The following IL1RAPL1 variants were observed in gnomAD, a reference collection of about 807,000 sequenced individuals.
The protein encoded by IL1RAPL1 is interleukin-1 receptor accessory protein-like 1.
In IL1RAPL1, 3 loss-of-function variants were observed where a neutral mutation model predicts 48.4. The ratio of observed to expected loss-of-function variants is 0.06; its 90% CI spans 0.03 to 0.16. IL1RAPL1 has a LOEUF of 0.16. IL1RAPL1 is among the 10% of genes least tolerant of loss of function. The probability of loss-of-function intolerance (pLI) is 1.00; values close to 1 mark genes in which losing one functional copy is unlikely to be tolerated. For missense variants in IL1RAPL1, 349 were observed against 530.6 expected (o/e 0.66, Z 3.36); for synonymous variants, 185 against 187.7 (o/e 0.99, Z 0.12).
At chrX:29,423,070 C>T (rs1410097552) in intron 5 of IL1RAPL1, among the ~76,000 whole-genome samples, 2 of 111,764 alleles carry the variant, frequency 1.8e-5, no homozygotes, top group Admixed American at 9.5e-5. Flanking sequence ...CCTCTAAAGC[C>T]TGCTACCTGG....
chrX:29,769,590 C>CCCG (rs1929004839), intron 6 of IL1RAPL1, among the ~76,000 whole-genome samples: 1 of 100,706 alleles, frequency 9.9e-6, no homozygotes, highest in Non-Finnish European at 2.0e-5. Context: ...ATTATAGGCG[C>CCCG]CCGCCACCAT....
At chrX:29,901,204 G>A (rs1032127506) in intron 6 of IL1RAPL1, among the ~76,000 whole-genome samples, 1 of 111,699 alleles carries the variant, frequency 9.0e-6, no homozygotes, top group African/African-American at 3.3e-5. Context: ...TCGTTGACCC[G>A]GTCTCAGGCA....
intron 2 of IL1RAPL1, among the ~76,000 whole-genome samples, chrX:29,222,808 G>T (rs1931007834): frequency 9.0e-6 from 1 of 111,404 alleles, no homozygotes; most frequent in African/African-American, 3.3e-5. Flanking sequence ...CATATGCAGG[G>T]CTGGCATCTT....
At chrX:28,623,037 C>A (rs901973988) in intron 1 of IL1RAPL1, among the ~76,000 whole-genome samples, 2 of 111,273 alleles carry the variant, frequency 1.8e-5, no homozygotes, top group African/African-American at 6.5e-5. Context: ...GCTTTCATTC[C>A]TTTACTATTT....
At chrX:29,329,443 C>G (rs1932866654) in intron 3 of IL1RAPL1, among the ~76,000 whole-genome samples, 1 of 111,519 alleles carries the variant, frequency 9.0e-6, no homozygotes, top group African/African-American at 3.3e-5. Context: ...GGAAACAACC[C>G]AAATATTCAT....
chrX:28,740,811 ACAAG>A (rs1935897345), intron 1 of IL1RAPL1, among the ~76,000 whole-genome samples: 1 of 111,984 alleles, frequency 8.9e-6, no homozygotes, highest in African/African-American at 3.2e-5. Context: ...CCATGTTGCT[ACAAG>A]GATTTGATTT....
chrX:29,182,304 T>C (rs1347416982), intron 2 of IL1RAPL1, among the ~76,000 whole-genome samples: 1 of 112,099 alleles, frequency 8.9e-6, no homozygotes, highest in Non-Finnish European at 1.9e-5. Flanking sequence ...TTCCATTCTG[T>C]AGCATCCAAA....
In IL1RAPL1 at chrX:28,738,176, T is replaced by A. The variant is rs73630080; in HGVS notation, c.-24-51144T>A. On this transcript the variant is annotated intron_variant, in intron 1 of 10. Coordinates refer to ENST00000378993, the MANE Select transcript of IL1RAPL1 (RefSeq NM_014271.4). Reference sequence around the variant, plus strand: ...CTTCCAAATATCTAATCTCTTTTTTTAAAAAAAAAAAATCTTAGAACATTA... The same window carrying A: ...CTTCCAAATATCTAATCTCTTTTTTAAAAAAAAAAAAATCTTAGAACATTA... Among the ~76,000 whole-genome samples, 111 of 101,650 alleles carry A rather than the reference T, an allele frequency of 1.1e-3. 1 individual carries two copies. Among genetic ancestry groups the A allele is most frequent in the East Asian group, 3.2e-3 (11 of 3,408 alleles). The allele number at this position is 101,650 out of a possible 115,157, so 88.3% of individuals were successfully genotyped here. A position where few individuals can be genotyped will look rare whatever the true frequency, so the allele number is the denominator to read the frequency against.
At chrX:29,366,933 T>C (rs1363803024) in intron 3 of IL1RAPL1, among the ~76,000 whole-genome samples, 1 of 111,219 alleles carries the variant, frequency 9.0e-6, no homozygotes, top group Non-Finnish European at 1.9e-5. Context: ...TTTGAGTAAT[T>C]TTATCTTTAC....
intron 6 of IL1RAPL1, among the ~76,000 whole-genome samples, chrX:29,781,527 C>G (rs1043781162): frequency 9.0e-6 from 1 of 111,672 alleles, no homozygotes; most frequent in Non-Finnish European, 1.9e-5. Context: ...GAATGCTGAA[C>G]TTCTAAATTA....
chrX:29,579,999 G>A (rs1218834927), intron 5 of IL1RAPL1, among the ~76,000 whole-genome samples: 1 of 110,667 alleles, frequency 9.0e-6, no homozygotes, highest in African/African-American at 3.3e-5. Context: ...CTTTATATAG[G>A]CCACTAGACT....
At chrX:29,555,524 C>A (rs942737782) in intron 5 of IL1RAPL1, among the ~76,000 whole-genome samples, 13 of 112,104 alleles carry the variant, frequency 1.2e-4, no homozygotes, top group Non-Finnish European at 2.3e-4. Flanking sequence ...GCCACACTAT[C>A]CTCATCTCTT....
At chrX:29,437,914 A>G (rs1165781528) in intron 5 of IL1RAPL1, among the ~76,000 whole-genome samples, 5 of 111,020 alleles carry the variant, frequency 4.5e-5, no homozygotes, top group Admixed American at 3.8e-4. Context: ...AAGGCATTCC[A>G]TCTTCTCTTT....
intron 1 of IL1RAPL1, among the ~76,000 whole-genome samples, chrX:28,786,865 A>G (rs957372470): frequency 8.9e-6 from 1 of 112,286 alleles, no homozygotes; most frequent in Non-Finnish European, 1.9e-5. Flanking sequence ...TACAGTTTGT[A>G]TTGCTATTTC....
At chrX:28,971,912 G>GTGTA (rs750716257) in intron 2 of IL1RAPL1, among the ~76,000 whole-genome samples, 1,285 of 108,817 alleles carry the variant, frequency 0.012, 28 homozygotes, top group African/African-American at 0.041. Flanking sequence ...GTGTGTGTGT[G>GTGTA]TGTGTATTTC....
At chrX:29,724,283 C>T (rs1014785428) in intron 6 of IL1RAPL1, among the ~76,000 whole-genome samples, 3 of 111,441 alleles carry the variant, frequency 2.7e-5, no homozygotes, top group African/African-American at 9.8e-5. Context: ...CTAAGGGCCA[C>T]TGACCACTCC....
chrX:29,104,219 A>T (rs1046049748), intron 2 of IL1RAPL1, among the ~76,000 whole-genome samples: 1 of 112,341 alleles, frequency 8.9e-6, no homozygotes, highest in Non-Finnish European at 1.9e-5. Context: ...TTTGGAAGCA[A>T]CCTGTGTTCA....
At chrX:29,067,226 C>A (rs887405536) in intron 2 of IL1RAPL1, among the ~76,000 whole-genome samples, 13 of 111,508 alleles carry the variant, frequency 1.2e-4, no homozygotes, top group African/African-American at 3.3e-4. Flanking sequence ...CTTCTGGGAT[C>A]CCTGTTGCAT....
At chrX:29,238,168 C>T (rs770503106) in intron 2 of IL1RAPL1, among the ~76,000 whole-genome samples, 15 of 111,625 alleles carry the variant, frequency 1.3e-4, no homozygotes, top group Non-Finnish European at 2.6e-4. Flanking sequence ...TACACACCTG[C>T]TTCTGTTATT....
Sources: gnomAD v4.1 joint callset for allele counts (sites outside exome capture counted in the v4.1 genomes callset) on GRCh38, gnomAD v4.1.1 for gene constraint, MANE v1.5 for transcripts, NCBI Gene and HGNC (gene_info 2026-07-23, HGNC 2026-07-21) for gene names.